The following DIDO1 variants were observed in gnomAD, a reference collection of about 807,000 sequenced individuals.
DIDO1 encodes death inducer-obliterator 1.
DIDO1 carries 16 observed loss-of-function variants against 99.4 expected under a neutral mutation model. That is an observed-to-expected ratio of 0.16 (90% CI 0.11 to 0.24). DIDO1 has a LOEUF of 0.24. Among genes scored for constraint, DIDO1 ranks in the 10% least tolerant of loss-of-function variants. DIDO1 has a pLI of 1.00. For synonymous variants in DIDO1, 1,366 were observed against 1,239.1 expected, an observed-to-expected ratio of 1.10 and a Z score of -2.15; for missense variants, 2,996 against 3,014.0, an observed-to-expected ratio of 0.99 and a Z score of 0.14.
At chr20:62,921,241 AT>A (rs774843381) in intron 1 of DIDO1, among the ~76,000 whole-genome samples, 1 of 152,184 alleles carries the variant, frequency 6.6e-6, no homozygotes, top group Non-Finnish European at 1.5e-5. Context: ...TAAATGACTC[AT>A]TTTTAAATGT....
intron 1 of DIDO1, among the ~76,000 whole-genome samples, chr20:62,923,846 G>T (rs1022377235): frequency 6.6e-6 from 1 of 152,188 alleles, no homozygotes; most frequent in African/African-American, 2.4e-5. Context: ...GATACCCAAG[G>T]AGAGAAATGC....
In DIDO1 at chr20:62,894,328, C is replaced by T. The variant is rs954966442; in HGVS notation, c.2572+85G>A. On this transcript the variant is annotated intron_variant, in intron 11 of 15. Coordinates refer to ENST00000395343, the MANE Select transcript of DIDO1 (RefSeq NM_001193369.2). This position sits in a 1 kb window ranked among gnomAD's most constrained non-coding sequence, Gnocchi z 4.4. Reference sequence around the variant, plus strand: ...CCTTCTGCGTGTTTAAGCTTACGTGCGGTTGCTTTTAGGAGGTTCAGTGAT... The same window carrying T: ...CCTTCTGCGTGTTTAAGCTTACGTGTGGTTGCTTTTAGGAGGTTCAGTGAT... 4.9e-5 allele frequency: 78 copies of T among 1,584,900 alleles called. No individual in the cohort carries two copies. The highest frequency in any genetic ancestry group is 3.4e-4 in the Middle Eastern group (2 of 5,900).
In DIDO1 at chr20:62,894,656, GA is replaced by G; in HGVS notation, c.2437-109del. 2.0e-6 allele frequency: 3 copies of G among 1,464,136 alleles called. No homozygotes were observed. The highest frequency in any genetic ancestry group is 9.1e-7 in the Non-Finnish European group (1 of 1,096,210). The allele number at this position is 1,464,136 out of a possible 1,614,324, so 90.7% of individuals were successfully genotyped here. A position where few individuals can be genotyped will look rare whatever the true frequency, so the allele number is the denominator to read the frequency against. ...TCATGGGATTGAGACCCACGGGGGA[GA>G]AAAAAGGACCATCTAATACAAGGAC... On this transcript the variant is annotated intron_variant, in intron 10 of 15. Transcript: ENST00000395343. The surrounding 1 kb of genome is among the most constrained non-coding windows in gnomAD (Gnocchi z 4.4).
In DIDO1 at chr20:62,907,334, T is replaced by G; in HGVS notation, c.1187A>C (p.Lys396Thr). 1 of 1,614,138 alleles carries G rather than the reference T, an allele frequency of 6.2e-7. No homozygotes were observed. The highest frequency in any genetic ancestry group is 8.5e-7 in the Non-Finnish European group (1 of 1,180,032). Residue 396 changes from lysine to threonine, a missense_variant, in exon 5 of 16, where the codon AAA becomes ACA. Lys to Thr is a moderately conservative substitution (Grantham distance 78). Around this residue, in one of 5 missense-constraint regions of DIDO1, gnomAD observed 898 missense variants for 972.7 expected, o/e 0.92. Transcript: ENST00000395343. ...GTGACAGCACCCGGGGCCAATACAT[T>G]TTGAGGCACCAGGCGCCTCTATCAC... ...QPVIEAPGAS[K>T]CIGPGCCHVA...
chr20:62,936,302 C>T (rs539351381), intron 1 of DIDO1, among the ~76,000 whole-genome samples: 1 of 152,138 alleles, frequency 6.6e-6, no homozygotes, highest in South Asian at 2.1e-4. Context: ...GACTGTAATC[C>T]GAGCACCTTG....
chr20:62,910,272 C>G (rs562194659), intron 3 of DIDO1, among the ~76,000 whole-genome samples: 79 of 152,322 alleles, frequency 5.2e-4, no homozygotes, highest in African/African-American at 1.9e-3. Flanking sequence ...AAGTCTCCCC[C>G]CAAAACTGCG....
Position 62,879,986 on chromosome 20 carries a change from A to G in DIDO1, c.5970T>C (p.Gly1990=), listed in dbSNP as rs991364936. The change falls in exon 16 of 16, where the codon GGT becomes GGC. Residue 1990 remains glycine, a synonymous_variant. Transcript: ENST00000395343. This position sits in a 1 kb window ranked among gnomAD's most constrained non-coding sequence, Gnocchi z 6.3. ...NQRAPAPLQF[G]GLRGSAPFSE... Reference sequence around the variant, plus strand: ...AAAAGGGTGCGGACCCCCGTAGTCCACCAAACTGCAGGGGTGCAGGCGCCC... The same window carrying G: ...AAAAGGGTGCGGACCCCCGTAGTCCGCCAAACTGCAGGGGTGCAGGCGCCC... 2 of 1,611,548 alleles carry G rather than the reference A, an allele frequency of 1.2e-6. No individual in the cohort carries two copies. The highest frequency in any genetic ancestry group is 1.7e-6 in the Non-Finnish European group (2 of 1,179,800).
chr20:62,922,867 C>T (rs916240744), intron 1 of DIDO1, among the ~76,000 whole-genome samples: 1 of 152,188 alleles, frequency 6.6e-6, no homozygotes, highest in African/African-American at 2.4e-5. Context: ...GAGTGCTTCA[C>T]GATGACCCAG....
At chr20:62,898,333 A>T (rs1470362150) in intron 6 of DIDO1, among the ~76,000 whole-genome samples, 1 of 152,184 alleles carries the variant, frequency 6.6e-6, no homozygotes, top group Non-Finnish European at 1.5e-5. Flanking sequence ...CCCAGCAGCC[A>T]GTCCATCAAG....
Position 62,881,043 on chromosome 20 carries a change from G to C in DIDO1, c.4913C>G (p.Pro1638Arg). ...CGTGGCGGGGCGGGTGCCCTCCCCAGGCTCTGCCTTCCAGCCGTCCTGCTC... is the reference window on the plus strand; with the variant it reads ...CGTGGCGGGGCGGGTGCCCTCCCCACGCTCTGCCTTCCAGCCGTCCTGCTC... ...GSEQDGWKAE[P>R]GEGTRPATVG... is the part of the protein sequence containing the mutation. The change falls in exon 16 of 16, where the codon CCT (proline) becomes CGT (arginine). Residue 1638 changes from proline (P) to arginine (R), a missense_variant. Physicochemically the swap from Pro to Arg is moderately radical, Grantham distance 103 (BLOSUM62 -2). Coordinates refer to ENST00000395343, the MANE Select transcript of DIDO1 (RefSeq NM_001193369.2). This position sits in a 1 kb window ranked among gnomAD's most constrained non-coding sequence, Gnocchi z 8.3. The C allele has an allele frequency of 6.2e-7, 1 of 1,604,396 alleles. No individual in the cohort carries two copies. Among genetic ancestry groups the C allele is most frequent in the Non-Finnish European group, 8.5e-7 (1 of 1,178,088 alleles).
rs563584499 is a variant in DIDO1 at position 62,922,182 on chromosome 20, A to ATGTG, written c.-200+4253_-200+4256dup. The stretch of plus-strand genomic sequence containing the variant: ...AACAATGCCCGGCTCTTTTATATGT[A>ATGTG]TGTGTGTGTGTGTGTATATATATAT... On this transcript the variant is annotated intron_variant, in intron 1 of 15. Coordinates refer to ENST00000395343, the MANE Select transcript of DIDO1 (RefSeq NM_001193369.2). Among the ~76,000 whole-genome samples, 8 of 146,416 alleles carry ATGTG rather than the reference A, an allele frequency of 5.5e-5. No homozygotes were observed. In the East Asian group the frequency reaches 1.4e-3, roughly 26 times the overall value.
chr20:62,895,239 C>A, intron 8 of DIDO1, 74 bp from the exon 9 acceptor site: 2 of 1,389,662 alleles, frequency 1.4e-6, no homozygotes, highest in Non-Finnish European at 2.0e-6. Context: ...CTGGAAAACA[C>A]AGCTGCCCAG....
intron 6 of DIDO1, among the ~76,000 whole-genome samples, chr20:62,901,166 A>G (rs1429371931): frequency 1.3e-5 from 2 of 152,204 alleles, no homozygotes; most frequent in Admixed American, 6.5e-5. Flanking sequence ...CAGGCAGACT[A>G]CATCGCAGAC....
In DIDO1 at chr20:62,879,970, C is replaced by G. The variant is rs866633267; in HGVS notation, c.5986G>C (p.Ala1996Pro). The G allele has an allele frequency of 1.2e-6, 2 of 1,609,446 alleles. No individual in the cohort carries two copies. Among genetic ancestry groups the G allele is most frequent in the Non-Finnish European group, 1.7e-6 (2 of 1,179,066 alleles). Reference protein sequence around the residue: ...PLQFGGLRGSAPFSEKNEQTP... With the variant: ...PLQFGGLRGSPPFSEKNEQTP... ...TGCTCATTTTTTTCAGAAAAGGGTG[C>G]GGACCCCCGTAGTCCACCAAACTGC... The change falls in exon 16 of 16, where the codon GCA (alanine) becomes CCA (proline). Residue 1996 changes from alanine to proline, a missense_variant. Around this residue, in one of 5 missense-constraint regions of DIDO1, gnomAD observed 1,562 missense variants for 1,412.6 expected, o/e 1.11. Coordinates refer to ENST00000395343, the MANE Select transcript of DIDO1 (RefSeq NM_001193369.2). The surrounding 1 kb of genome is among the most constrained non-coding windows in gnomAD (Gnocchi z 6.3).
chr20:62,922,082 ACACAC>A (rs2065155356), intron 1 of DIDO1, among the ~76,000 whole-genome samples: 1 of 144,280 alleles, frequency 6.9e-6, no homozygotes, highest in African/African-American at 2.7e-5. Context: ...TACACTATAT[ACACAC>A]TATATATACA....
Position 62,880,870 on chromosome 20 carries a change from CGA to C in DIDO1, c.5084_5085del (p.Leu1695ArgfsTer6), listed in dbSNP as rs1232424770. On this transcript the variant is annotated frameshift_variant, in exon 16 of 16. Transcript: ENST00000395343. LOFTEE classifies it low-confidence loss of function (END_TRUNC). The part of the protein sequence containing the change: ...CPGFASQDKA[L>X]GSAQYEDPRN... ...CTTGGGTCCTCATACTGGGCTGAGC[CGA>C]GAGCCTTGTCCTGCGACGCGAACCC... 6.2e-7 allele frequency: 1 copy of C among 1,612,538 alleles called. No individual in the cohort carries two copies. The highest frequency in any genetic ancestry group is 2.2e-5 in the East Asian group (1 of 44,880).
At chr20:62,883,398 A>T (rs2064244883) in intron 15 of DIDO1, among the ~76,000 whole-genome samples, 1 of 152,224 alleles carries the variant, frequency 6.6e-6, no homozygotes, top group African/African-American at 2.4e-5. Context: ...AAATGGCTAA[A>T]ATAAATGCTT....
At chr20:62,890,077 G>A (rs1194003329) in intron 15 of DIDO1, 4 of 985,676 alleles carry the variant, frequency 4.1e-6, no homozygotes, top group East Asian at 1.1e-4. Flanking sequence ...AGCTATGGCA[G>A]GAACACCCGC....
Position 62,878,933 on chromosome 20 carries a change from T to TAAAAAA in DIDO1, c.*299_*300insTTTTTT. On this transcript the variant is annotated 3_prime_UTR_variant, in exon 16 of 16. Transcript: ENST00000395343. ...GGCTCTAGGGTCCAACGAAACTCCCTTAAAATTTACAATAAAGTTATTGGA... is the reference window on the plus strand; with the variant it reads ...GGCTCTAGGGTCCAACGAAACTCCCTAAAAAATAAAATTTACAATAAAGTTATTGGA... 1 of 284,742 alleles carries TAAAAAA rather than the reference T, an allele frequency of 3.5e-6. No homozygotes were observed. The highest frequency in any genetic ancestry group is 6.4e-6 in the Non-Finnish European group (1 of 155,472). 17.6% of individuals were successfully genotyped at this position (284,742 alleles called of 1,614,324 possible).
Sources: gnomAD v4.1 joint callset for allele counts (sites outside exome capture counted in the v4.1 genomes callset) on GRCh38, gnomAD v4.1.1 for gene constraint, gnomAD v4.1.1 regional missense constraint, Gnocchi (gnomAD v3.1) non-coding constraint, MANE v1.5 for transcripts, NCBI Gene and HGNC (gene_info 2026-07-23, HGNC 2026-07-21) for gene names.